Variants in CDC42BPA observed in about 807,000 individuals in gnomAD.
CDC42BPA encodes serine/threonine-protein kinase MRCK alpha.
A neutral mutation model predicts 223.5 loss-of-function variants in CDC42BPA; 80 were observed. That is an observed-to-expected ratio of 0.36 (90% CI 0.30 to 0.43). The LOEUF is 0.43. CDC42BPA is among the 20% of genes least tolerant of loss of function. The pLI, the probability that CDC42BPA is intolerant of heterozygous loss-of-function variation, is 1.00. For missense variants in CDC42BPA, 1,743 were observed against 2,099.9 expected, an observed-to-expected ratio of 0.83 and a Z score of 3.32; for synonymous variants, 694 against 718.6, an observed-to-expected ratio of 0.97 and a Z score of 0.55.
intron 17 of CDC42BPA, among the ~76,000 whole-genome samples, chr1:227,078,438 A>C (rs759624128): frequency 1.3e-5 from 2 of 152,192 alleles, no homozygotes; most frequent in African/African-American, 2.4e-5. Context: ...ATTGTACCAG[A>C]AGAATGCCTT....
At chr1:227,126,495 GGAAGGAAGGAAGGAAGGAAGGAAGGTAA>G (rs1190749450) in intron 11 of CDC42BPA, among the ~76,000 whole-genome samples, 89 of 120,270 alleles carry the variant, frequency 7.4e-4, no homozygotes, top group African/African-American at 2.6e-3. Context: ...AAGGAAGGAA[GGAAGGAAGGAAGGAAGGAAGGAAGGTAA>G]GAAAGGAAAA....
intron 1 of CDC42BPA, among the ~76,000 whole-genome samples, chr1:227,274,953 T>C (rs924661968): frequency 5.9e-5 from 9 of 152,078 alleles, no homozygotes; most frequent in East Asian, 3.9e-4. Flanking sequence ...CACAGAAAAA[T>C]TGGCAAACTT....
At chr1:227,177,500 T>C (rs188411066) in intron 5 of CDC42BPA, among the ~76,000 whole-genome samples, 36 of 152,340 alleles carry the variant, frequency 2.4e-4, no homozygotes, top group Admixed American at 1.9e-3. Flanking sequence ...ATATACTGTT[T>C]TCCTCTGGTG....
chr1:227,112,432 A>G lies in CDC42BPA; in HGVS notation c.1891-10T>C, dbSNP rs751862060. On this transcript the variant is annotated splice_polypyrimidine_tract_variant and intron_variant, in intron 13 of 36. Transcript: ENST00000366766. Reference sequence around the variant, plus strand: ...CTGTATGAACTTCCAGCTTTAAAACAGAATGAAAAATGCAGATTTCACGGT... The same window carrying G: ...CTGTATGAACTTCCAGCTTTAAAACGGAATGAAAAATGCAGATTTCACGGT... 1.2e-5 allele frequency: 19 copies of G among 1,547,922 alleles called. No homozygotes were observed. Among genetic ancestry groups the G allele is most frequent in the East Asian group, 2.3e-5 (1 of 43,850 alleles).
chr1:227,176,921 T>C (rs1231327079), intron 5 of CDC42BPA, among the ~76,000 whole-genome samples: 1 of 151,990 alleles, frequency 6.6e-6, no homozygotes, highest in East Asian at 1.9e-4. Flanking sequence ...GGAAGTCTAA[T>C]GATAAAGTAG....
intron 14 of CDC42BPA, among the ~76,000 whole-genome samples, chr1:227,110,538 A>G (rs1310759147): frequency 6.6e-6 from 1 of 152,212 alleles, no homozygotes; most frequent in Admixed American, 6.5e-5. Context: ...ATTGTACTCT[A>G]TCACTTATGA....
intron 1 of CDC42BPA, among the ~76,000 whole-genome samples, chr1:227,295,747 G>A (rs1445517166): frequency 1.3e-5 from 2 of 152,212 alleles, no homozygotes; most frequent in African/African-American, 4.8e-5. Flanking sequence ...CATCCTTGGA[G>A]TATGGCCCTC....
At chr1:227,169,021 C>T (rs772271320) in intron 5 of CDC42BPA, among the ~76,000 whole-genome samples, 2 of 152,104 alleles carry the variant, frequency 1.3e-5, no homozygotes, top group Non-Finnish European at 2.9e-5. Flanking sequence ...GCTTATTTAA[C>T]TTCAAGTCTT....
Position 227,259,605 on chromosome 1 carries a change from ATTTAG to A in CDC42BPA, c.179-5455_179-5451del, listed in dbSNP as rs143064940. Among the ~76,000 whole-genome samples the A allele has an allele frequency of 2.7e-3, 410 of 151,006 alleles. 29 individuals carry two copies. Among genetic ancestry groups the A allele is most frequent in the African/African-American group, 9.5e-3 (383 of 40,350 alleles). On this transcript the variant is annotated intron_variant, in intron 1 of 36. Transcript: ENST00000366766. ...CGGTTAGCTTCCAAACTAATACGTA[ATTTAG>A]TTATCATAAAATCCATAAGGTACAT...
chr1:227,148,772 C>CAAAAAA (rs57635319), intron 6 of CDC42BPA, among the ~76,000 whole-genome samples: 2 of 78,786 alleles, frequency 2.5e-5, no homozygotes, highest in African/African-American at 1.1e-4. Context: ...GTCTCAAAAG[C>CAAAAAA]AAAAAAAAAA....
Position 227,239,473 on chromosome 1 carries a change from T to C in CDC42BPA, c.270+14591A>G, listed in dbSNP as rs987920326. On this transcript the variant is annotated intron_variant, in intron 2 of 36. Coordinates refer to ENST00000366766, the MANE Select transcript of CDC42BPA (RefSeq NM_001394014.1). ...TTCCTGGATTGTAACAAATGTACCA[T>C]TCTGGTTCAGTGTTTTGGGAGATGA... is the stretch of plus-strand genomic sequence containing the variant. Among the ~76,000 whole-genome samples the C allele has an allele frequency of 3.9e-5, 6 of 152,276 alleles. No homozygotes were observed. In the South Asian group the frequency reaches 8.3e-4, roughly 21 times the overall value.
chr1:227,299,005 T>C (rs1691186604), intron 1 of CDC42BPA, among the ~76,000 whole-genome samples: 1 of 152,090 alleles, frequency 6.6e-6, no homozygotes, highest in East Asian at 1.9e-4. Context: ...TAAATAGAAA[T>C]CAAGTGAAAC....
At chr1:227,113,545 A>C (rs577424655) in intron 12 of CDC42BPA, among the ~76,000 whole-genome samples, 6 of 152,332 alleles carry the variant, frequency 3.9e-5, no homozygotes, top group Admixed American at 3.3e-4. Context: ...AAAAACAATA[A>C]AAATAAACAT....
intron 1 of CDC42BPA, among the ~76,000 whole-genome samples, chr1:227,308,509 C>G (rs1187003908): frequency 1.1e-5 from 1 of 89,782 alleles, no homozygotes; most frequent in African/African-American, 4.2e-5. Context: ...GACTGTATCT[C>G]AAAAAAAAAA....
chr1:227,004,737 C>A, intron 35 of CDC42BPA: 1 of 537,524 alleles, frequency 1.9e-6, no homozygotes, highest in Non-Finnish European at 3.4e-6. Context: ...TCCTTCAGAG[C>A]CTTTATCATC....
chr1:227,021,429 T>C (rs1432421336), intron 32 of CDC42BPA, among the ~76,000 whole-genome samples: 2 of 152,080 alleles, frequency 1.3e-5, no homozygotes, highest in Non-Finnish European at 2.9e-5. Flanking sequence ...GAGAATCACT[T>C]CTAAAACCTG....
At chr1:227,170,521 T>C (rs1315836316) in intron 5 of CDC42BPA, among the ~76,000 whole-genome samples, 1 of 152,044 alleles carries the variant, frequency 6.6e-6, no homozygotes, top group East Asian at 1.9e-4. Context: ...TCAGGGTGTA[T>C]GGTGGACAGA....
At chr1:227,302,810 A>C (rs901351405) in intron 1 of CDC42BPA, among the ~76,000 whole-genome samples, 27 of 149,064 alleles carry the variant, frequency 1.8e-4, no homozygotes, top group Non-Finnish European at 1.5e-5. Context: ...CCTCTTTTCT[A>C]TCTCTCTGTG....
chr1:227,204,255 T>C (rs971550464), intron 3 of CDC42BPA, among the ~76,000 whole-genome samples: 48 of 152,322 alleles, frequency 3.2e-4, no homozygotes, highest in African/African-American at 1.1e-3. Flanking sequence ...ATATATTTCA[T>C]GGCCAAATCA....
Sources: gnomAD v4.1 joint callset for allele counts (sites outside exome capture counted in the v4.1 genomes callset) on GRCh38, gnomAD v4.1.1 for gene constraint, MANE v1.5 for transcripts, NCBI Gene and HGNC (gene_info 2026-07-23, HGNC 2026-07-21) for gene names.